RNF212: variants seen among roughly 807,000 people sequenced by gnomAD.
RNF212 encodes the protein probable E3 SUMO-protein ligase RNF212.
A neutral mutation model predicts 34.7 loss-of-function variants in RNF212; 33 were observed. The observed-to-expected ratio is 0.95, with a 90% CI of 0.72 to 1.27. The LOEUF is 1.27. Ranked by LOEUF, RNF212 falls within the 50% of genes most tolerant of loss-of-function variation. The pLI is 0.00. For missense variants in RNF212, 377 were observed against 362.2 expected, an observed-to-expected ratio of 1.04 and a Z score of -0.33; for synonymous variants, 140 against 136.1, an observed-to-expected ratio of 1.03 and a Z score of -0.20.
Position 1,079,660 on chromosome 4 carries a change from G to C in RNF212, c.493C>G (p.Pro165Ala). ...GCACTTACTTTTCTAATCGGAGAAG[G>C]AGAGAGATCAACTTCCATCGACTCC... ...RLESMEVDLSPSPIRKSEIAA... is the reference protein window; with the variant it reads ...RLESMEVDLSASPIRKSEIAA... The change falls in exon 8 of 10, where the codon CCT becomes GCT. Residue 165 changes from proline (P) to alanine (A), a missense_variant. Physicochemically the swap from Pro to Ala is conservative, Grantham distance 27. Coordinates refer to ENST00000433731, the MANE Select transcript of RNF212 (RefSeq NM_001131034.4). The C allele has an allele frequency of 6.2e-7, 1 of 1,610,908 alleles. No individual in the cohort carries two copies. Among genetic ancestry groups the C allele is most frequent in the East Asian group, 2.2e-5 (1 of 44,878 alleles).
intron 4 of RNF212, among the ~76,000 whole-genome samples, chr4:1,058,020 T>C (rs973792727): frequency 4.6e-5 from 7 of 151,204 alleles, no homozygotes; most frequent in Non-Finnish European, 1.0e-4. Context: ...AAGATGGTGC[T>C]ACTGCACTCC....
At chr4:1,097,811 T>A (rs1723295620) in intron 2 of RNF212, among the ~76,000 whole-genome samples, 1 of 152,182 alleles carries the variant, frequency 6.6e-6, no homozygotes, top group African/African-American at 2.4e-5. Flanking sequence ...ACGCCTGTCA[T>A]CCCAGCACTT....
At chr4:1,080,534 C>G (rs1052942916) in intron 7 of RNF212, among the ~76,000 whole-genome samples, 1 of 152,144 alleles carries the variant, frequency 6.6e-6, no homozygotes, top group Non-Finnish European at 1.5e-5. Context: ...CTTCATTGAC[C>G]GTACAGATGT....
intron 8 of RNF212, among the ~76,000 whole-genome samples, chr4:1,077,910 G>A (rs1201210431): frequency 1.3e-5 from 2 of 152,216 alleles, no homozygotes; most frequent in Non-Finnish European, 2.9e-5. Context: ...GCGTGGCCAT[G>A]AGGATGGCAG....
chr4:1,071,973 C>G lies in RNF212; in HGVS notation c.*901G>C, dbSNP rs1189298385. 6.6e-6 allele frequency: 1 copy of G among 152,242 alleles called. No individual in the cohort carries two copies. Among genetic ancestry groups the G allele is most frequent in the Non-Finnish European group, 1.5e-5 (1 of 68,052 alleles). 9.4% of individuals were successfully genotyped at this position (152,242 alleles called of 1,614,324 possible). ...ACACAAAACCCTGGCACATGGACAT[C>G]TATAGCAGCTTAATTCATAATTGCC... is the stretch of plus-strand genomic sequence containing the variant. On this transcript the variant is annotated 3_prime_UTR_variant, in exon 10 of 10. Coordinates refer to ENST00000433731, the MANE Select transcript of RNF212 (RefSeq NM_001131034.4).
intron 9 of RNF212, 114 bp from the exon 10 acceptor site, chr4:1,073,307 C>G (rs1000027076): frequency 2.9e-6 from 4 of 1,398,234 alleles, no homozygotes; most frequent in Non-Finnish European, 3.8e-6. Context: ...CAATTCAAAG[C>G]CAATTACCAG....
intron 3 of RNF212, among the ~76,000 whole-genome samples, chr4:1,095,108 T>A (rs1233943062): frequency 6.9e-6 from 1 of 144,546 alleles, no homozygotes; most frequent in Non-Finnish European, 1.5e-5. Flanking sequence ...TCCCCACAGC[T>A]CCATGGTCTC....
rs367810629 is a variant in RNF212, at chr4:1,113,493, C to G, written c.-29G>C. 6.3e-6 allele frequency: 10 copies of G among 1,578,192 alleles called. No individual in the cohort carries two copies. The highest frequency in any genetic ancestry group is 8.6e-6 in the Non-Finnish European group (10 of 1,156,424). Reference sequence around the variant, plus strand: ...AGGCGGGCGACCGCAGCGGCGAGGCCGGGCCCACGCGAAGCCCACGCAAGG... The same window carrying G: ...AGGCGGGCGACCGCAGCGGCGAGGCGGGGCCCACGCGAAGCCCACGCAAGG... On this transcript the variant is annotated 5_prime_UTR_variant, in exon 1 of 10. Coordinates refer to ENST00000433731, the MANE Select transcript of RNF212 (RefSeq NM_001131034.4).
At chr4:1,100,510 T>C (rs535396966) in intron 2 of RNF212, 1 of 151,044 alleles carries the variant, frequency 6.6e-6, no homozygotes, top group Admixed American at 6.6e-5. Flanking sequence ...CAGGTTCAAA[T>C]GATTCTCTAG....
rs780250512 is a variant in RNF212, at chr4:1,072,833, T to C, written c.*41A>G. The C allele has an allele frequency of 5.9e-6, 9 of 1,524,122 alleles. No individual in the cohort carries two copies. The highest frequency in any genetic ancestry group is 4.2e-5 in the African/African-American group (3 of 71,974). The allele number at this position is 1,524,122 out of a possible 1,614,324, so 94.4% of individuals were successfully genotyped here. ...TGTAGAAAAAACACAGAGGAATAAA[T>C]TGAAAACACTCAGAATCATTAATAG... On this transcript the variant is annotated 3_prime_UTR_variant, in exon 10 of 10. Transcript: ENST00000433731.
At chr4:1,105,198 C>CGT (rs1054401735) in intron 2 of RNF212, among the ~76,000 whole-genome samples, 4 of 152,198 alleles carry the variant, frequency 2.6e-5, no homozygotes, top group African/African-American at 9.7e-5. Flanking sequence ...CTCCTTTCCA[C>CGT]GTGTGTGTGT....
At chr4:1,068,738 G>C (rs980929306), downstream of RNF212, among the ~76,000 whole-genome samples, 1 of 152,166 alleles carries the variant, frequency 6.6e-6, no homozygotes, top group African/African-American at 2.4e-5. Context: ...TTGTAGGGCA[G>C]GTCTATTAGC....
At chr4:1,089,947 A>G (rs1721920583) in intron 4 of RNF212, among the ~76,000 whole-genome samples, 1 of 152,184 alleles carries the variant, frequency 6.6e-6, no homozygotes, top group African/African-American at 2.4e-5. Context: ...GTTATTCTTT[A>G]TAGCAGTATG....
At chr4:1,110,556 T>A (rs891105215) in intron 1 of RNF212, among the ~76,000 whole-genome samples, 1 of 152,228 alleles carries the variant, frequency 6.6e-6, no homozygotes, top group South Asian at 2.1e-4. Context: ...AAAAGATGTA[T>A]CATGCAACCT....
At position 1,072,978 on chromosome 4, in the gene RNF212, A is replaced by G; in HGVS notation, c.790T>C (p.Leu264=). 1 of 1,614,200 alleles carries G rather than the reference A, an allele frequency of 6.2e-7. No homozygotes were observed. The highest frequency in any genetic ancestry group is 8.5e-7 in the Non-Finnish European group (1 of 1,180,036). The part of the protein sequence containing the change: ...PIYAEVQRAV[L]FPFQQAEGTL... The stretch of plus-strand genomic sequence containing the variant: ...CCCTCAGCCTGCTGGAACGGAAACA[A>G]GACGGCCCTTTGTACCTCAGCATAT... Residue 264 remains leucine, a synonymous_variant, in exon 10 of 10, where the codon TTG becomes CTG. Coordinates refer to ENST00000433731, the MANE Select transcript of RNF212 (RefSeq NM_001131034.4).
chr4:1,097,844 C>T (rs1157986767), intron 2 of RNF212, among the ~76,000 whole-genome samples: 5 of 152,176 alleles, frequency 3.3e-5, no homozygotes, highest in Admixed American at 3.3e-4. Context: ...GTGGGCAGAT[C>T]GCTTGAGGTC....
intron 5 of RNF212, among the ~76,000 whole-genome samples, chr4:1,085,327 T>C (rs1379274603): frequency 1.3e-5 from 2 of 152,206 alleles, no homozygotes; most frequent in South Asian, 2.1e-4. Context: ...TGAGCTAAAA[T>C]GTACAAGAAA....
At chr4:1,112,082 C>G (rs969502983) in intron 1 of RNF212, among the ~76,000 whole-genome samples, 1 of 152,210 alleles carries the variant, frequency 6.6e-6, no homozygotes, top group Non-Finnish European at 1.5e-5. Flanking sequence ...GCTGCACATG[C>G]CTGTAGCCCC....
At chr4:1,101,103 C>T (rs1723910621) in intron 2 of RNF212, 1 of 161,332 alleles carries the variant, frequency 6.2e-6, no homozygotes, top group South Asian at 1.7e-4. Flanking sequence ...TCTCTATTAA[C>T]AGGAATTGAG....
Sources: gnomAD v4.1 joint callset for allele counts (sites outside exome capture counted in the v4.1 genomes callset) on GRCh38, gnomAD v4.1.1 for gene constraint, MANE v1.5 for transcripts, NCBI Gene and HGNC (gene_info 2026-07-23, HGNC 2026-07-21) for gene names.